Variants in LZTFL1 observed in about 807,000 individuals in gnomAD.
The protein encoded by LZTFL1 is leucine zipper transcription factor like 1, also known as leucine zipper transcription factor-like protein 1.
LZTFL1 carries 25 observed loss-of-function variants against 45.9 expected under a neutral mutation model. That is an observed-to-expected ratio of 0.54 (90% CI 0.40 to 0.76). LZTFL1 has a LOEUF of 0.76. Ranked by LOEUF, LZTFL1 falls within the 30% of genes least tolerant of loss-of-function variation. The pLI is 0.00. For missense variants in LZTFL1, 277 were observed against 331.1 expected (o/e 0.84, Z 1.27); for synonymous variants, 93 against 117.4 (o/e 0.79, Z 1.35).
At chr3:45,850,860 C>T (rs1701296589) in intron 4 of LZTFL1, among the ~76,000 whole-genome samples, 2 of 152,134 alleles carry the variant, frequency 1.3e-5, no homozygotes. Flanking sequence ...CTGCTGCTCC[C>T]TCTTCTCCAT....
In LZTFL1 at chr3:45,832,904, C is replaced by T. The variant is rs1342761714; in HGVS notation, c.456+146G>A. The T allele has an allele frequency of 2.8e-5, 17 of 612,956 alleles. No individual in the cohort carries two copies. The South Asian group carries it at 3.4e-4, about 12-fold the overall frequency. 38.0% of individuals were successfully genotyped at this position (612,956 alleles called of 1,614,324 possible). A position where few individuals can be genotyped will look rare whatever the true frequency, so the allele number is the denominator to read the frequency against. On this transcript the variant is annotated intron_variant, in intron 5 of 9. Coordinates refer to ENST00000296135, the MANE Select transcript of LZTFL1 (RefSeq NM_020347.4). ...GAAGGTTAAGTATGCCCTCTTCTGGCCCATGGGGTACCATCAAGTAAAACT... is the reference window on the plus strand; with the variant it reads ...GAAGGTTAAGTATGCCCTCTTCTGGTCCATGGGGTACCATCAAGTAAAACT...
chr3:45,899,325 A>T (rs7614342), intron 2 of LZTFL1, among the ~76,000 whole-genome samples: 43,144 of 152,194 alleles, frequency 0.28, 8,549 homozygotes, highest in African/African-American at 0.56. Flanking sequence ...GAAATGCTAG[A>T]CAGATCTACT....
At chr3:45,898,994 C>T (rs931985835) in intron 2 of LZTFL1, among the ~76,000 whole-genome samples, 1 of 151,948 alleles carries the variant, frequency 6.6e-6, no homozygotes, top group Non-Finnish European at 1.5e-5. Context: ...GGTGAAATCC[C>T]GTCTCTACTA....
At chr3:45,849,897 A>G (rs879275467) in intron 4 of LZTFL1, among the ~76,000 whole-genome samples, 2 of 152,260 alleles carry the variant, frequency 1.3e-5, no homozygotes, top group African/African-American at 4.8e-5. Flanking sequence ...TATATAAGGC[A>G]GAAAAAATTT....
chr3:45,897,683 A>T, intron 2 of LZTFL1: 1 of 1,350,246 alleles, frequency 7.4e-7, no homozygotes, highest in Non-Finnish European at 1.0e-6. Flanking sequence ...GCCCCCTCTC[A>T]TTTGTTCCCC....
At chr3:45,828,414 A>G (rs1376172444) in intron 8 of LZTFL1, 25 bp downstream of exon 8, 9 of 1,606,228 alleles carry the variant, frequency 5.6e-6, no homozygotes, top group African/African-American at 2.7e-5. Flanking sequence ...TTAACAGACA[A>G]ATCCCTTAAA....
chr3:45,831,963 C>T (rs1218328090), intron 5 of LZTFL1, among the ~76,000 whole-genome samples: 4 of 152,054 alleles, frequency 2.6e-5, no homozygotes, highest in Admixed American at 1.3e-4. Flanking sequence ...TGGCCGGGCA[C>T]GGTGGCTCAC....
rs72622922 is a variant in LZTFL1, at chr3:45,915,563, G to A, written c.-415C>T. On this transcript the variant is annotated 5_prime_UTR_variant, in exon 1 of 5. Coordinates refer to the LZTFL1 transcript ENST00000472635. Reference sequence around the variant, plus strand: ...GATGATTCTATGGACCCACAGGCCCGAAGACAGACCTGTCCTAGAAACAAG... The same window carrying A: ...GATGATTCTATGGACCCACAGGCCCAAAGACAGACCTGTCCTAGAAACAAG... 5.9e-3 allele frequency: 2,670 copies of A among 456,026 alleles called. 222 individuals are homozygous for A. In the East Asian group the frequency reaches 0.16, roughly 27 times the overall value. The allele number at this position is 456,026 out of a possible 1,614,324, so 28.2% of individuals were successfully genotyped here.
chr3:45,839,992 TA>T (rs1189662657), intron 1 of LZTFL1, among the ~76,000 whole-genome samples: 1 of 152,232 alleles, frequency 6.6e-6, no homozygotes, highest in Non-Finnish European at 1.5e-5. Flanking sequence ...TACCTCGTAT[TA>T]TTGATTATCT....
At chr3:45,832,200 G>A (rs1299292669) in intron 5 of LZTFL1, among the ~76,000 whole-genome samples, 2 of 151,996 alleles carry the variant, frequency 1.3e-5, no homozygotes, top group African/African-American at 2.4e-5. Context: ...CAGCCTGGGC[G>A]ACAGAGCAAG....
chr3:45,901,356 A>G lies in LZTFL1; in HGVS notation c.-215+11764T>C. ...CCCAGAAATCTTATACAGCCAAATCAAGGAGGAATCCGGCATTGCTATCTG... is the reference window on the plus strand; with the variant it reads ...CCCAGAAATCTTATACAGCCAAATCGAGGAGGAATCCGGCATTGCTATCTG... On this transcript the variant is annotated intron_variant, in intron 2 of 4. Transcript: ENST00000472635. This position sits in a 1 kb window ranked among gnomAD's most constrained non-coding sequence, Gnocchi z 4.3. 1 of 1,614,184 alleles carries G rather than the reference A, an allele frequency of 6.2e-7. No individual in the cohort carries two copies. Among genetic ancestry groups the G allele is most frequent in the South Asian group, 1.1e-5 (1 of 91,078 alleles).
At chr3:45,893,103 T>C (rs1347370123) in intron 2 of LZTFL1, among the ~76,000 whole-genome samples, 1 of 151,974 alleles carries the variant, frequency 6.6e-6, no homozygotes, top group Non-Finnish European at 1.5e-5. Flanking sequence ...AGGTTTCCTT[T>C]GTACCCACCT....
intron 2 of LZTFL1, among the ~76,000 whole-genome samples, chr3:45,878,436 G>T (rs1701790080): frequency 6.6e-6 from 1 of 152,134 alleles, no homozygotes; most frequent in Admixed American, 6.5e-5. Context: ...ATGATCAAGT[G>T]TTAATATACT....
chr3:45,828,396 A>G (rs1700723595), intron 8 of LZTFL1, 43 bp downstream of exon 8: 1 of 1,552,122 alleles, frequency 6.4e-7, no homozygotes, highest in Non-Finnish European at 8.8e-7. Context: ...GTGTGCATTA[A>G]TCATGCATTA....
At chr3:45,842,837 G>A (rs1031902162), upstream of LZTFL1, among the ~76,000 whole-genome samples, 2 of 152,098 alleles carry the variant, frequency 1.3e-5, no homozygotes, top group Non-Finnish European at 2.9e-5. Context: ...CTTTTTAACC[G>A]ATGTTCCAGG....
intron 2 of LZTFL1, among the ~76,000 whole-genome samples, chr3:45,871,801 T>A (rs976447472): frequency 6.6e-5 from 10 of 152,190 alleles, no homozygotes; most frequent in African/African-American, 2.4e-4. Context: ...AGGCGCTTTA[T>A]AACAAGAAAA....
upstream of LZTFL1, among the ~76,000 whole-genome samples, chr3:45,847,039 C>G (rs1175433420): frequency 1.3e-5 from 2 of 152,160 alleles, no homozygotes; most frequent in East Asian, 1.9e-4. Flanking sequence ...TTTTCTGGCA[C>G]TACTTCTACA....
In LZTFL1 at chr3:45,901,828, C is replaced by T. The variant is rs889638802; in HGVS notation, c.-215+11292G>A. ...AGCCAGGCCCAGTGGGTTTCATTTA[C>T]AAGGAGAGAGGGAAGCTTGAAGCTG... is the stretch of plus-strand genomic sequence containing the variant. On this transcript the variant is annotated intron_variant, in intron 2 of 4. Transcript: ENST00000472635. The surrounding 1 kb of genome is among the most constrained non-coding windows in gnomAD (Gnocchi z 4.3). 3.7e-6 allele frequency: 6 copies of T among 1,613,502 alleles called. No homozygotes were observed. The highest frequency in any genetic ancestry group is 1.1e-5 in the South Asian group (1 of 91,064).
chr3:45,828,472 G>A lies in LZTFL1; in HGVS notation c.744C>T (p.Leu248=), dbSNP rs1481566403. Reference sequence around the variant, plus strand: ...CCATGTGCAGCTGCTCCTGAACCCTGAGTAGATCGTGCTTGGCTGTCGCCA... The same window carrying A: ...CCATGTGCAGCTGCTCCTGAACCCTAAGTAGATCGTGCTTGGCTGTCGCCA... ...ENLATAKHDL[L]RVQEQLHMAE... Residue 248 remains leucine (L), a synonymous_variant, in exon 8 of 10, where the codon CTC becomes CTT. Transcript: ENST00000296135. 5.6e-6 allele frequency: 9 copies of A among 1,614,176 alleles called. No homozygotes were observed. The highest frequency in any genetic ancestry group is 7.6e-6 in the Non-Finnish European group (9 of 1,180,036).
Sources: gnomAD v4.1 joint callset for allele counts (sites outside exome capture counted in the v4.1 genomes callset) on GRCh38, gnomAD v4.1.1 for gene constraint, Gnocchi (gnomAD v3.1) non-coding constraint, MANE v1.5 for transcripts, NCBI Gene and HGNC (gene_info 2026-07-23, HGNC 2026-07-21) for gene names.